The following TBC1D14 variants were observed in gnomAD, a reference collection of about 807,000 sequenced individuals.
TBC1D14 encodes TBC1 domain family, member 14.
TBC1D14 carries 26 observed loss-of-function variants against 79.0 expected under a neutral mutation model. The ratio of observed to expected loss-of-function variants is 0.33; its 90% CI spans 0.24 to 0.46. TBC1D14 has a LOEUF of 0.46. TBC1D14 is among the 20% of genes least tolerant of loss of function. The pLI is 1.00. For synonymous variants in TBC1D14, 394 were observed against 349.9 expected, an observed-to-expected ratio of 1.13 and a Z score of -1.40; for missense variants, 769 against 887.6, an observed-to-expected ratio of 0.87 and a Z score of 1.70.
intron 1 of TBC1D14, among the ~76,000 whole-genome samples, chr4:6,912,699 A>G (rs1300539070): frequency 6.6e-6 from 1 of 152,342 alleles, no homozygotes; most frequent in South Asian, 2.1e-4. Flanking sequence ...CGTGTCCAGG[A>G]AAGAGTAACA....
intron 12 of TBC1D14, among the ~76,000 whole-genome samples, chr4:7,020,769 T>C (rs7673901): frequency 0.89 from 135,354 of 152,248 alleles, 60,421 homozygotes; most frequent in East Asian, 0.98. Flanking sequence ...GGTGCGATCT[T>C]GGCTCGCTGC....
chr4:7,014,337 A>G (rs1721077005), intron 11 of TBC1D14, 111 bp from the exon 12 acceptor site: 4 of 668,896 alleles, frequency 6.0e-6, no homozygotes, highest in Admixed American at 2.5e-5. Flanking sequence ...TGTATTAGTA[A>G]TTACAGAAGA....
chr4:7,014,699 G>C (rs1353590555), intron 12 of TBC1D14, 142 bp downstream of exon 12: 1 of 624,214 alleles, frequency 1.6e-6, no homozygotes, highest in Non-Finnish European at 2.8e-6. Context: ...CTGCCCTTGA[G>C]TTTTATTTCC....
chr4:6,965,141 C>T (rs1715583942), intron 2 of TBC1D14, among the ~76,000 whole-genome samples: 1 of 147,924 alleles, frequency 6.8e-6, no homozygotes, highest in African/African-American at 2.5e-5. Flanking sequence ...AACCATACTT[C>T]ATCAATTGTC....
intron 2 of TBC1D14, chr4:6,954,210 G>T: frequency 1.4e-6 from 1 of 705,578 alleles, no homozygotes; most frequent in Non-Finnish European, 2.6e-6. Flanking sequence ...GAGTTTCCCC[G>T]GGACTGTGGC....
chr4:6,918,950 A>G (rs1445563988), intron 1 of TBC1D14, among the ~76,000 whole-genome samples: 1 of 152,090 alleles, frequency 6.6e-6, no homozygotes. Context: ...ATTCTTCCCA[A>G]GCAGGGGACA....
intron 3 of TBC1D14, among the ~76,000 whole-genome samples, chr4:6,970,674 T>A (rs779244322): frequency 7.5e-6 from 1 of 134,106 alleles, no homozygotes; most frequent in Non-Finnish European, 1.6e-5. Flanking sequence ...GGTCAGGTGT[T>A]CACACTGGCC....
In TBC1D14 at chr4:7,030,469, C is replaced by G; in HGVS notation, c.*77C>G. The G allele has an allele frequency of 4.1e-6, 6 of 1,479,660 alleles. No individual in the cohort carries two copies. The South Asian group carries it at 4.6e-5, about 11-fold the overall frequency. The allele number at this position is 1,479,660 out of a possible 1,614,324, so 91.7% of individuals were successfully genotyped here. ...CCCTCTGTTGTTTCAGACTGACACC[C>G]GGGCAGCCGAGAAGAACAGACGCTC... On this transcript the variant is annotated 3_prime_UTR_variant, in exon 14 of 14. Coordinates refer to ENST00000409757, the MANE Select transcript of TBC1D14 (RefSeq NM_020773.3).
At chr4:7,021,321 G>A (rs1269132359) in intron 12 of TBC1D14, among the ~76,000 whole-genome samples, 1 of 152,224 alleles carries the variant, frequency 6.6e-6, no homozygotes, top group Non-Finnish European at 1.5e-5. Flanking sequence ...TTTTGGGCTG[G>A]GTGTGGTGTC....
At chr4:7,012,175 G>A (rs1301071313) in intron 11 of TBC1D14, among the ~76,000 whole-genome samples, 1 of 151,944 alleles carries the variant, frequency 6.6e-6, no homozygotes, top group African/African-American at 2.4e-5. Context: ...GGTGGCAGGC[G>A]CCTGTAGTCC....
At chr4:6,928,009 A>G (rs954082995) in intron 2 of TBC1D14, among the ~76,000 whole-genome samples, 3 of 152,108 alleles carry the variant, frequency 2.0e-5, no homozygotes, top group African/African-American at 7.2e-5. Context: ...TTTATTTTCC[A>G]CAGAAGATAG....
At chr4:6,963,114 C>T (rs1715380104) in intron 2 of TBC1D14, among the ~76,000 whole-genome samples, 1 of 152,274 alleles carries the variant, frequency 6.6e-6, no homozygotes, top group Admixed American at 6.5e-5. Flanking sequence ...CAGGGGAGCC[C>T]AGGCCCGGCA....
chr4:7,030,333 A>T lies in TBC1D14; in HGVS notation c.2023A>T (p.Thr675Ser), dbSNP rs1722930329. The T allele has an allele frequency of 1.9e-6, 3 of 1,613,884 alleles. No individual in the cohort carries two copies. In the East Asian group the frequency reaches 6.7e-5, roughly 36 times the overall value. Residue 675 changes from threonine to serine, a missense_variant, in exon 14 of 14, where the codon ACT becomes TCT. Coordinates refer to ENST00000409757, the MANE Select transcript of TBC1D14 (RefSeq NM_020773.3). ...SRNKKWAQVL[T>S]ALQKDSREME... The stretch of plus-strand genomic sequence containing the variant: ...TCTTCCCTGTGACTTCTAGGTACTG[A>T]CTGCATTGCAGAAAGACAGCCGGGA...
chr4:6,934,165 G>T (rs577289051), intron 2 of TBC1D14, among the ~76,000 whole-genome samples: 5 of 152,178 alleles, frequency 3.3e-5, no homozygotes, highest in Admixed American at 3.3e-4. Flanking sequence ...TTGAAACCAG[G>T]TGAGGTCTCC....
At chr4:7,024,560 G>A (rs1182868864) in intron 12 of TBC1D14, among the ~76,000 whole-genome samples, 1 of 152,224 alleles carries the variant, frequency 6.6e-6, no homozygotes, top group Non-Finnish European at 1.5e-5. Flanking sequence ...AGGGCACCCA[G>A]AGGAGGAAGG....
At position 7,030,442 on chromosome 4, in the gene TBC1D14, GCCCCTCTGTTGTTTCAGACTGACA is replaced by G. The variant is rs747973914; in HGVS notation, c.*54_*77del. 1.3e-6 allele frequency: 2 copies of G among 1,597,336 alleles called. No homozygotes were observed. Among genetic ancestry groups the G allele is most frequent in the South Asian group, 2.2e-5 (2 of 90,692 alleles). ...GCACCAATCAGAGCCCCATGCCGCG[GCCCCTCTGTTGTTTCAGACTGACA>G]CCCGGGCAGCCGAGAAGAACAGACG... is the stretch of plus-strand genomic sequence containing the variant. On this transcript the variant is annotated 3_prime_UTR_variant, in exon 14 of 14. Transcript: ENST00000409757.
chr4:7,016,779 G>C (rs73202130), intron 12 of TBC1D14, among the ~76,000 whole-genome samples: 5,198 of 152,262 alleles, frequency 0.034, 123 homozygotes, highest in Non-Finnish European at 0.046. Context: ...TTGCCTTCGT[G>C]ATCCACTGGC....
In TBC1D14 at chr4:6,967,565, T is replaced by G. The variant is rs990173705; in HGVS notation, c.843+141T>G. On this transcript the variant is annotated intron_variant, in intron 3 of 13. Coordinates refer to ENST00000409757, the MANE Select transcript of TBC1D14 (RefSeq NM_020773.3). ...GCATACCACGTTCCTCAGATTTAAG[T>G]CTGTATTCACAATGTGGATGAATTT... is the stretch of plus-strand genomic sequence containing the variant. The G allele has an allele frequency of 3.6e-6, 4 of 1,124,028 alleles. No homozygotes were observed. In the African/African-American group the frequency reaches 6.3e-5, roughly 18 times the overall value. 69.6% of individuals were successfully genotyped at this position (1,124,028 alleles called of 1,614,324 possible).
intron 3 of TBC1D14, among the ~76,000 whole-genome samples, chr4:6,980,669 C>G (rs1453492989): frequency 6.6e-6 from 1 of 151,350 alleles, no homozygotes. Context: ...AAAGGGGATA[C>G]CACTACAGAC....
Sources: gnomAD v4.1 joint callset for allele counts (sites outside exome capture counted in the v4.1 genomes callset) on GRCh38, gnomAD v4.1.1 for gene constraint, MANE v1.5 for transcripts, NCBI Gene and HGNC (gene_info 2026-07-23, HGNC 2026-07-21) for gene names.